Variants in PLK3 observed in about 807,000 individuals in gnomAD.
PLK3 encodes the protein polo like kinase 3.
Under a neutral mutation model 71.6 loss-of-function variants are expected in PLK3, and 41 were observed. The observed-to-expected ratio is 0.57, with a 90% CI of 0.45 to 0.74. The LOEUF (loss-of-function observed/expected upper bound fraction) is 0.74, where lower values mean the gene tolerates loss of function less well. Ranked by LOEUF, PLK3 falls within the 30% of genes least tolerant of loss-of-function variation. The pLI, the probability that PLK3 is intolerant of heterozygous loss-of-function variation, is 0.00. For missense variants in PLK3, 791 were observed against 875.6 expected, an observed-to-expected ratio of 0.90 and a Z score of 1.22; for synonymous variants, 366 against 355.4, an observed-to-expected ratio of 1.03 and a Z score of -0.33.
chr1:44,804,154 C>G lies in PLK3; in HGVS notation c.1259-9C>G. ...TAATTCCTAAATCTCAGTGCCCTGT[C>G]TCCTTCAGGATTTGAAGAAGGTCTG... is the stretch of plus-strand genomic sequence containing the variant. On this transcript the variant is annotated splice_polypyrimidine_tract_variant and intron_variant, in intron 10 of 14. Coordinates refer to ENST00000372201, the MANE Select transcript of PLK3 (RefSeq NM_004073.4). 6.2e-7 allele frequency: 1 copy of G among 1,611,632 alleles called. No homozygotes were observed. Among genetic ancestry groups the G allele is most frequent in the Non-Finnish European group, 8.5e-7 (1 of 1,177,726 alleles).
chr1:44,802,495 T>G (rs1258722794), intron 5 of PLK3, among the ~76,000 whole-genome samples: 1 of 152,038 alleles, frequency 6.6e-6, no homozygotes, highest in Non-Finnish European at 1.5e-5. Flanking sequence ...GGATCAGCTG[T>G]GGACTCTCTG....
In PLK3 at chr1:44,804,397, G is replaced by C. The variant is rs1354910311; in HGVS notation, c.1401G>C (p.Trp467Cys). 6.2e-7 allele frequency: 1 copy of C among 1,614,074 alleles called. No individual in the cohort carries two copies. Among genetic ancestry groups the C allele is most frequent in the African/African-American group, 1.3e-5 (1 of 74,926 alleles). ...AGCCTCTGGTGTGGGTCAGCAAGTG[G>C]GTTGACTACTCCAATAAGTTCGGCT... ...QPEPLVWVSK[W>C]VDYSNKFGFG... Residue 467 changes from tryptophan (W) to cysteine (C), a missense_variant, in exon 12 of 15, where the codon TGG becomes TGC. Physicochemically the swap from Trp to Cys is radical, Grantham distance 215 (BLOSUM62 -2). Coordinates refer to ENST00000372201, the MANE Select transcript of PLK3 (RefSeq NM_004073.4).
At position 44,800,840 on chromosome 1, in the gene PLK3, G is replaced by C; in HGVS notation, c.211G>C (p.Gly71Arg). 1.2e-6 allele frequency: 2 copies of C among 1,608,594 alleles called. No homozygotes were observed. Among genetic ancestry groups the C allele is most frequent in the African/African-American group, 1.3e-5 (1 of 74,952 alleles). ...CCAGCCTGATGCCCCCTCTTCACAG[G>C]GGGGCTTCGCCCGCTGCTACGAGGC... is the stretch of plus-strand genomic sequence containing the variant. ...TYLKGRLLGK[G>R]GFARCYEATD... Residue 71 changes from glycine (G) to arginine (R), a missense_variant and splice_region_variant, in exon 2 of 15, where the codon GGG (glycine) becomes CGG (arginine). Physicochemically the swap from Gly to Arg is moderately radical, Grantham distance 125. Coordinates refer to ENST00000372201, the MANE Select transcript of PLK3 (RefSeq NM_004073.4). This position sits in a 1 kb window ranked among gnomAD's most constrained non-coding sequence, Gnocchi z 6.5.
Position 44,803,195 on chromosome 1 carries a change from C to T in PLK3, c.948+42C>T. 1 of 1,612,176 alleles carries T rather than the reference C, an allele frequency of 6.2e-7. No homozygotes were observed. Among genetic ancestry groups the T allele is most frequent in the Non-Finnish European group, 8.5e-7 (1 of 1,178,426 alleles). On this transcript the variant is annotated intron_variant, in intron 7 of 14. Transcript: ENST00000372201. The surrounding 1 kb of genome is among the most constrained non-coding windows in gnomAD (Gnocchi z 4.3). Reference sequence around the variant, plus strand: ...ACCTCTAAGTCCATCTGTGTATTCCCAGGGATTGAAAGGGGGCAGGTGACA... The same window carrying T: ...ACCTCTAAGTCCATCTGTGTATTCCTAGGGATTGAAAGGGGGCAGGTGACA...
Position 44,805,270 on chromosome 1 carries a change from G to A in PLK3, c.1640G>A (p.Gly547Glu), listed in dbSNP as rs189573421. ...SYMEQHLMKG[G>E]DLPSVEEVEV... ...CTGCCCTGATCCTGCTCCCAGGGTG[G>A]AGATCTGCCCAGTGTGGAAGAGGTA... The change falls in exon 14 of 15, where the codon GGA becomes GAA. Residue 547 changes from glycine to glutamate, a missense_variant. Coordinates refer to ENST00000372201, the MANE Select transcript of PLK3 (RefSeq NM_004073.4). 2.5e-6 allele frequency: 4 copies of A among 1,610,170 alleles called. No homozygotes were observed. The highest frequency in any genetic ancestry group is 1.3e-5 in the African/African-American group (1 of 74,828).
chr1:44,803,268 G>T lies in PLK3; in HGVS notation c.949G>T (p.Gly317Cys), dbSNP rs376266847. The change falls in exon 8 of 15, where the codon GGC becomes TGC. Residue 317 changes from glycine (G) to cysteine (C), a missense_variant and splice_region_variant. Gly to Cys is a radical substitution (Grantham distance 159). Transcript: ENST00000372201. The surrounding 1 kb of genome is among the most constrained non-coding windows in gnomAD (Gnocchi z 4.3). ...CTGTTCACATGGTTCCCCTCCCTAG[G>T]GCTACACCCCCGATCGACTCCCTAT... is the stretch of plus-strand genomic sequence containing the variant. The part of the protein sequence containing the change: ...QILRHDFFTK[G>C]YTPDRLPISS... The T allele has an allele frequency of 6.2e-7, 1 of 1,613,994 alleles. No individual in the cohort carries two copies. The highest frequency in any genetic ancestry group is 2.2e-5 in the East Asian group (1 of 44,878).
chr1:44,800,633 G>C lies in PLK3; in HGVS notation c.170G>C (p.Arg57Pro). The part of the protein sequence containing the change: ...SDPGRLITDP[R>P]SGRTYLKGRL... ...CCCGGGCGCCTCATCACGGACCCGC[G>C]CAGCGGCCGCACCTACCTCAAAGGC... Residue 57 changes from arginine (R) to proline (P), a missense_variant, in exon 1 of 15, where the codon CGC becomes CCC. Arg to Pro is a moderately radical substitution (Grantham distance 103, BLOSUM62 -2). Transcript: ENST00000372201. The surrounding 1 kb of genome is among the most constrained non-coding windows in gnomAD (Gnocchi z 6.5). 1.3e-6 allele frequency: 2 copies of C among 1,542,772 alleles called. No homozygotes were observed. The highest frequency in any genetic ancestry group is 1.7e-6 in the Non-Finnish European group (2 of 1,147,750).
Position 44,802,951 on chromosome 1 carries a change from A to G in PLK3, c.750-4A>G, listed in dbSNP as rs760495631. ...ACTCCTGACCCCTTGGCCCTGCCCT[A>G]TAGGTACACGCTGCTCTGCGGGAGC... is the stretch of plus-strand genomic sequence containing the variant. On this transcript the variant is annotated splice_polypyrimidine_tract_variant and splice_region_variant and intron_variant, in intron 6 of 14. Transcript: ENST00000372201. 1.5e-5 allele frequency: 25 copies of G among 1,613,930 alleles called. No individual in the cohort carries two copies. The East Asian group carries it at 5.3e-4, about 35-fold the overall frequency.
At position 44,801,685 on chromosome 1, in the gene PLK3, C is replaced by G; in HGVS notation, c.499C>G (p.Arg167Gly). ...LLEPEVRYYLRQILSGLKYLH... is the reference protein window; with the variant it reads ...LLEPEVRYYLGQILSGLKYLH... ...GGAGCCAGAAGTGCGCTACTACCTGCGGCAGATCCTTTCTGGCCTCAAGTA... is the reference window on the plus strand; with the variant it reads ...GGAGCCAGAAGTGCGCTACTACCTGGGGCAGATCCTTTCTGGCCTCAAGTA... The change falls in exon 4 of 15, where the codon CGG becomes GGG. Residue 167 changes from arginine to glycine, a missense_variant. Transcript: ENST00000372201. 1.9e-6 allele frequency: 3 copies of G among 1,610,958 alleles called. No individual in the cohort carries two copies. The highest frequency in any genetic ancestry group is 2.5e-6 in the Non-Finnish European group (3 of 1,178,530).
Position 44,800,947 on chromosome 1 carries a change from G to C in PLK3, c.318G>C (p.Lys106Asn). The C allele has an allele frequency of 6.2e-7, 1 of 1,613,102 alleles. No homozygotes were observed. The highest frequency in any genetic ancestry group is 8.5e-7 in the Non-Finnish European group (1 of 1,179,786). Residue 106 changes from lysine to asparagine, a missense_variant and splice_region_variant, in exon 2 of 15, where the codon AAG (lysine) becomes AAC (asparagine). Lys to Asn is a moderately conservative substitution (Grantham distance 94). Coordinates refer to ENST00000372201, the MANE Select transcript of PLK3 (RefSeq NM_004073.4). The surrounding 1 kb of genome is among the most constrained non-coding windows in gnomAD (Gnocchi z 6.5). ...TCGCCAAGCCGCATCAGCGCGAGAA[G>C]GTGGGTCCAGGCTCAGCGGGCGAGG... ...SRVAKPHQREKILNEIELHRD... is the reference protein window; with the variant it reads ...SRVAKPHQRENILNEIELHRD...
chr1:44,804,093 A>G, intron 10 of PLK3, 69 bp downstream of exon 10: 1 of 1,536,270 alleles, frequency 6.5e-7, no homozygotes, highest in Admixed American at 1.7e-5. Flanking sequence ...AGAGGGAAGG[A>G]GTGGGCAGAG....
At position 44,805,546 on chromosome 1, in the gene PLK3, G is replaced by A; in HGVS notation, c.1809G>A (p.Val603=). 6.2e-7 allele frequency: 1 copy of A among 1,614,218 alleles called. No individual in the cohort carries two copies. Among genetic ancestry groups the A allele is most frequent in the Non-Finnish European group, 8.5e-7 (1 of 1,180,028 alleles). ...LILSGWEPLL[V]TFVARNRSAC... ...TCAGTGGCTGGGAGCCCCTCCTTGT[G>A]ACTTTTGTGGCCCGAAATCGTAGTG... is the stretch of plus-strand genomic sequence containing the variant. Residue 603 remains valine, a synonymous_variant, in exon 15 of 15, where the codon GTG becomes GTA. Transcript: ENST00000372201.
chr1:44,802,948 C>G lies in PLK3; in HGVS notation c.750-7C>G. Reference sequence around the variant, plus strand: ...TTTACTCCTGACCCCTTGGCCCTGCCCTATAGGTACACGCTGCTCTGCGGG... The same window carrying G: ...TTTACTCCTGACCCCTTGGCCCTGCGCTATAGGTACACGCTGCTCTGCGGG... On this transcript the variant is annotated splice_polypyrimidine_tract_variant and splice_region_variant and intron_variant, in intron 6 of 14. Transcript: ENST00000372201. 6.2e-7 allele frequency: 1 copy of G among 1,613,900 alleles called. No individual in the cohort carries two copies. Among genetic ancestry groups the G allele is most frequent in the Non-Finnish European group, 8.5e-7 (1 of 1,179,848 alleles).
chr1:44,802,503 C>G (rs766823033), intron 5 of PLK3, among the ~76,000 whole-genome samples: 4 of 152,084 alleles, frequency 2.6e-5, no homozygotes, highest in Admixed American at 6.5e-5. Context: ...TGTGGACTCT[C>G]TGTGTTGACC....
chr1:44,805,521 T>C lies in PLK3; in HGVS notation c.1784T>C (p.Leu595Pro). 6.2e-7 allele frequency: 1 copy of C among 1,614,206 alleles called. No homozygotes were observed. The highest frequency in any genetic ancestry group is 1.1e-5 in the South Asian group (1 of 91,090). ...NFYGDHTKLILSGWEPLLVTF... is the reference protein window; with the variant it reads ...NFYGDHTKLIPSGWEPLLVTF... Reference sequence around the variant, plus strand: ...TACGGGGACCACACCAAGCTGATTCTCAGTGGCTGGGAGCCCCTCCTTGTG... The same window carrying C: ...TACGGGGACCACACCAAGCTGATTCCCAGTGGCTGGGAGCCCCTCCTTGTG... The change falls in exon 15 of 15, where the codon CTC (leucine) becomes CCC (proline). Residue 595 changes from leucine to proline, a missense_variant. Physicochemically the swap from Leu to Pro is moderately conservative, Grantham distance 98. Transcript: ENST00000372201.
chr1:44,801,525 A>G (rs1265538357), intron 3 of PLK3, 97 bp from the exon 4 acceptor site: 1 of 1,357,298 alleles, frequency 7.4e-7, no homozygotes, highest in East Asian at 2.3e-5. Context: ...CAGTCTTAAG[A>G]CCCAAAGCTG....
At position 44,800,634 on chromosome 1, in the gene PLK3, C is replaced by T. The variant is rs377105150; in HGVS notation, c.171C>T (p.Arg57=). The change falls in exon 1 of 15, where the codon CGC becomes CGT. Residue 57 remains arginine (R), a synonymous_variant. Coordinates refer to ENST00000372201, the MANE Select transcript of PLK3 (RefSeq NM_004073.4). The surrounding 1 kb of genome is among the most constrained non-coding windows in gnomAD (Gnocchi z 6.5). ...SDPGRLITDP[R]SGRTYLKGRL... is the part of the protein sequence containing the mutation. ...CCGGGCGCCTCATCACGGACCCGCG[C>T]AGCGGCCGCACCTACCTCAAAGGCC... 1.9e-5 allele frequency: 29 copies of T among 1,543,102 alleles called. No homozygotes were observed. Among genetic ancestry groups the T allele is most frequent in the Non-Finnish European group, 2.4e-5 (27 of 1,147,960 alleles).
At position 44,804,494 on chromosome 1, in the gene PLK3, A is replaced by T; in HGVS notation, c.1498A>T (p.Asn500Tyr). 1.2e-6 allele frequency: 2 copies of T among 1,614,126 alleles called. No individual in the cohort carries two copies. Among genetic ancestry groups the T allele is most frequent in the Non-Finnish European group, 1.7e-6 (2 of 1,179,972 alleles). ...NDGTHMALSA[N>Y]RKTVHYNPTS... is the part of the protein sequence containing the mutation. ...TGGCACACATATGGCCCTGTCGGCC[A>T]ACAGAAAGTAAGTGCTGTTATGGGG... is the stretch of plus-strand genomic sequence containing the variant. Residue 500 changes from asparagine to tyrosine, a missense_variant, in exon 12 of 15, where the codon AAC (asparagine) becomes TAC (tyrosine). By Grantham distance (143) the Asn-to-Tyr change is moderately radical. Transcript: ENST00000372201.
rs1168050428 is a variant in PLK3 at position 44,805,628 on chromosome 1, C to T, written c.1891C>T (p.Gln631Ter). ...RQLGCSPDLRQRLRYALRLLR... is the reference protein window; with the variant it reads ...RQLGCSPDLR ...GCTGGGCTGCTCTCCAGACCTGCGG[C>T]AGCGACTCCGCTATGCTCTGCGCCT... Residue 631 changes from glutamine (Q) to a stop codon, truncating the protein, a stop_gained, in exon 15 of 15, where the codon CAG (glutamine) becomes TAG (stop). Coordinates refer to ENST00000372201, the MANE Select transcript of PLK3 (RefSeq NM_004073.4). LOFTEE classifies it high-confidence loss of function. 1.2e-6 allele frequency: 2 copies of T among 1,613,920 alleles called. No homozygotes were observed. Among genetic ancestry groups the T allele is most frequent in the Non-Finnish European group, 8.5e-7 (1 of 1,180,012 alleles).
Sources: allele counts gnomAD v4.1 joint callset (sites outside exome capture counted in the v4.1 genomes callset), GRCh38; gene constraint gnomAD v4.1.1; non-coding constraint Gnocchi (gnomAD v3.1); transcripts MANE v1.5; gene names NCBI Gene and HGNC (gene_info 2026-07-23, HGNC 2026-07-21).